The following SCMH1 variants were observed in gnomAD, a reference collection of about 807,000 sequenced individuals.
The protein encoded by SCMH1 is polycomb protein SCMH1.
SCMH1 carries 37 observed loss-of-function variants against 70.8 expected under a neutral mutation model. The observed-to-expected ratio is 0.52, with a 90% CI of 0.40 to 0.69. The LOEUF (loss-of-function observed/expected upper bound fraction) is 0.69, where lower values mean the gene tolerates loss of function less well. SCMH1 is among the 30% of genes least tolerant of loss of function. SCMH1 has a pLI of 0.00. For synonymous variants in SCMH1, 292 were observed against 307.4 expected, an observed-to-expected ratio of 0.95 and a Z score of 0.52; for missense variants, 607 against 827.3, an observed-to-expected ratio of 0.73 and a Z score of 3.27.
chr1:41,191,064 G>A (rs1006636627), intron 1 of SCMH1, among the ~76,000 whole-genome samples: 1 of 152,102 alleles, frequency 6.6e-6, no homozygotes, highest in Admixed American at 6.5e-5. Context: ...TTGTAGAGGC[G>A]AGGTCTCACT....
At chr1:41,034,322 C>CTT (rs949806174) in intron 13 of SCMH1, among the ~76,000 whole-genome samples, 2 of 151,468 alleles carry the variant, frequency 1.3e-5, no homozygotes, top group African/African-American at 4.9e-5. Flanking sequence ...GACTTTTTTT[C>CTT]TTTTCTTTTC....
intron 13 of SCMH1, among the ~76,000 whole-genome samples, chr1:41,036,828 T>G (rs1645366318): frequency 6.6e-6 from 1 of 152,156 alleles, no homozygotes. Flanking sequence ...TGGAAAGCTC[T>G]CCCTCCTCTA....
At chr1:41,033,888 C>T in intron 13 of SCMH1, 95 bp downstream of exon 14, 1 of 1,576,116 alleles carries the variant, frequency 6.3e-7, no homozygotes, top group Non-Finnish European at 8.6e-7. Flanking sequence ...ACAGTACCAT[C>T]TGAGGCCAGT....
chr1:41,231,692 T>C lies in SCMH1; in HGVS notation c.-118+10367A>G, dbSNP rs550137626. On this transcript the variant is annotated intron_variant, in intron 1 of 14. Coordinates refer to ENST00000337495, the Ensembl canonical transcript of SCMH1. Reference sequence around the variant, plus strand: ...TCTTGGCTGACACTTTCTCAAACGTTCCTTGTTTGATGACTTTAACAGTTT... The same window carrying C: ...TCTTGGCTGACACTTTCTCAAACGTCCCTTGTTTGATGACTTTAACAGTTT... Among the ~76,000 whole-genome samples the C allele has an allele frequency of 7.2e-5, 11 of 152,338 alleles. No individual in the cohort carries two copies. In the South Asian group the frequency reaches 1.9e-3, roughly 26 times the overall value.
Position 41,177,405 on chromosome 1 carries a change from G to T in SCMH1, c.13+8716C>A, listed in dbSNP as rs555895214. Among the ~76,000 whole-genome samples, 3 of 151,602 alleles carry T rather than the reference G, an allele frequency of 2.0e-5. No homozygotes were observed. In the East Asian group the frequency reaches 5.9e-4, roughly 30 times the overall value. Reference sequence around the variant, plus strand: ...GCTGGACAGAGAATGACTTTGATGAGTTGAGAGAAGAAGGCTTCAGACGAT... The same window carrying T: ...GCTGGACAGAGAATGACTTTGATGATTTGAGAGAAGAAGGCTTCAGACGAT... On this transcript the variant is annotated intron_variant, in intron 2 of 14. Coordinates refer to ENST00000337495, the Ensembl canonical transcript of SCMH1.
chr1:41,051,143 C>A (rs992625413), intron 10 of SCMH1, among the ~76,000 whole-genome samples: 9 of 152,130 alleles, frequency 5.9e-5, no homozygotes, highest in Non-Finnish European at 1.3e-4. Flanking sequence ...TGGCAGACTG[C>A]ATATATGACA....
At chr1:41,148,951 C>A (rs995820984) in intron 5 of SCMH1, among the ~76,000 whole-genome samples, 1 of 152,060 alleles carries the variant, frequency 6.6e-6, no homozygotes, top group Non-Finnish European at 1.5e-5. Flanking sequence ...TCACCATGCC[C>A]GGCTAATTTT....
At chr1:41,154,026 G>A (rs1411086406) in intron 4 of SCMH1, among the ~76,000 whole-genome samples, 1 of 152,214 alleles carries the variant, frequency 6.6e-6, no homozygotes, top group African/African-American at 2.4e-5. Context: ...CAGTGTGAAA[G>A]CAGCCACAGA....
intron 6 of SCMH1, among the ~76,000 whole-genome samples, chr1:41,131,909 T>C (rs999120217): frequency 1.3e-5 from 2 of 152,242 alleles, no homozygotes; most frequent in Non-Finnish European, 2.9e-5. Context: ...TAGTATTCCA[T>C]GGTGTATATG....
chr1:41,168,694 T>G (rs1247757405), intron 2 of SCMH1, among the ~76,000 whole-genome samples: 1 of 151,232 alleles, frequency 6.6e-6, no homozygotes, highest in Non-Finnish European at 1.5e-5. Context: ...TTAGCTTCTA[T>G]GCATTACATA....
At chr1:41,227,532 AG>A (rs1660504704) in intron 1 of SCMH1, among the ~76,000 whole-genome samples, 1 of 152,234 alleles carries the variant, frequency 6.6e-6, no homozygotes, top group African/African-American at 2.4e-5. Context: ...ACTCATATGA[AG>A]TGCATGGAGT....
chr1:41,045,609 C>T (rs1417232633), intron 12 of SCMH1: 1 of 152,324 alleles, frequency 6.6e-6, no homozygotes, highest in African/African-American at 2.4e-5. Flanking sequence ...CATCAACAGA[C>T]AGCACAGCAC....
At chr1:41,087,157 G>C (rs1558758248) in intron 8 of SCMH1, among the ~76,000 whole-genome samples, 1 of 152,012 alleles carries the variant, frequency 6.6e-6, no homozygotes, top group African/African-American at 2.4e-5. Flanking sequence ...AATGATAGTG[G>C]AACAATGGAT....
chr1:41,171,905 A>G (rs1646805134), intron 2 of SCMH1, among the ~76,000 whole-genome samples: 1 of 152,160 alleles, frequency 6.6e-6, no homozygotes, highest in African/African-American at 2.4e-5. Flanking sequence ...ATTAAGAGGA[A>G]AGATGGCTGG....
chr1:41,111,045 A>C (rs550315395), intron 8 of SCMH1, among the ~76,000 whole-genome samples: 1 of 152,308 alleles, frequency 6.6e-6, no homozygotes, highest in African/African-American at 2.4e-5. Flanking sequence ...AATGATATTG[A>C]GCATCTTAAG....
intron 12 of SCMH1, chr1:41,038,160 C>T (rs1645574805): frequency 6.6e-6 from 1 of 152,238 alleles, no homozygotes; most frequent in Non-Finnish European, 1.5e-5. Flanking sequence ...TGTTAGTCTC[C>T]TCATCTACAA....
chr1:41,150,446 T>C (rs1344314407), intron 5 of SCMH1, among the ~76,000 whole-genome samples: 2 of 151,976 alleles, frequency 1.3e-5, no homozygotes, highest in Non-Finnish European at 2.9e-5. Flanking sequence ...GAAGTTGCAG[T>C]GAGCCAAGAT....
intron 8 of SCMH1, among the ~76,000 whole-genome samples, chr1:41,093,288 C>A (rs1444078968): frequency 2.7e-5 from 4 of 150,534 alleles, no homozygotes; most frequent in Non-Finnish European, 4.4e-5. Flanking sequence ...AAACTAAACA[C>A]CGCATGTTCT....
chr1:41,146,957 G>A (rs1011485884), intron 5 of SCMH1, among the ~76,000 whole-genome samples: 7 of 151,854 alleles, frequency 4.6e-5, no homozygotes, highest in South Asian at 2.1e-4. Flanking sequence ...TAAATTTTTC[G>A]TATTTGTTAG....
Sources: gnomAD v4.1 joint callset for allele counts (sites outside exome capture counted in the v4.1 genomes callset) on GRCh38, gnomAD v4.1.1 for gene constraint, MANE v1.5 for transcripts, NCBI Gene and HGNC (gene_info 2026-07-23, HGNC 2026-07-21) for gene names.